Variants in EDIL3 observed in about 807,000 individuals in gnomAD.
The protein encoded by EDIL3 is EGF like and discoidin domains 3, also known as EGF-like repeat and discoidin I-like domain-containing protein 3.
A neutral mutation model predicts 67.4 loss-of-function variants in EDIL3; 37 were observed. That is an observed-to-expected ratio of 0.55 (90% CI 0.42 to 0.72). The LOEUF (loss-of-function observed/expected upper bound fraction) is 0.72. Among genes scored for constraint, EDIL3 ranks in the 30% least tolerant of loss-of-function variants. The probability of loss-of-function intolerance (pLI) is 0.00; values close to 1 mark genes in which losing one functional copy is unlikely to be tolerated. For missense variants in EDIL3, 527 were observed against 586.3 expected (o/e 0.90, Z 1.04); for synonymous variants, 195 against 196.3 (o/e 0.99, Z 0.05).
In EDIL3 at chr5:84,078,598, CAATTT is replaced by C. The variant is rs1426388773; in HGVS notation, c.652-11997_652-11993del. The C allele has an allele frequency of 2.6e-5, 4 of 152,206 alleles. No individual in the cohort carries two copies. In the East Asian group the frequency reaches 7.7e-4, roughly 29 times the overall value. The allele number at this position is 152,206 out of a possible 1,614,324, so 9.4% of individuals were successfully genotyped here. ...AGGAAGGAAGGTGGGAAGAGAATAA[CAATTT>C]AATATTAAATGGCAAGATACCTTAC... On this transcript the variant is annotated intron_variant, in intron 6 of 10. Transcript: ENST00000296591.
intron 9 of EDIL3, among the ~76,000 whole-genome samples, chr5:83,987,569 C>A (rs1745075887): frequency 1.3e-5 from 2 of 152,096 alleles, no homozygotes; most frequent in Non-Finnish European, 2.9e-5. Flanking sequence ...TGCTAAAAAT[C>A]AATTTTCCAT....
chr5:83,986,719 G>C (rs2112154707), intron 9 of EDIL3, among the ~76,000 whole-genome samples: 1 of 152,192 alleles, frequency 6.6e-6, no homozygotes, highest in South Asian at 2.1e-4. Flanking sequence ...CTGTAGAAGG[G>C]ACAGCCAGCA....
chr5:84,262,592 T>C (rs540475174), intron 1 of EDIL3, among the ~76,000 whole-genome samples: 13 of 140,632 alleles, frequency 9.2e-5, no homozygotes, highest in Admixed American at 9.1e-4. Flanking sequence ...CCTTACAAAA[T>C]AAGTAGCGAA....
chr5:84,099,026 A>G (rs914482283), intron 6 of EDIL3, among the ~76,000 whole-genome samples: 1 of 152,120 alleles, frequency 6.6e-6, no homozygotes, highest in African/African-American at 2.4e-5. Context: ...GGAAATACCT[A>G]GGGATATAAC....
In EDIL3 at chr5:83,964,207, T is replaced by A. The variant is rs1468447102; in HGVS notation, c.1138-847A>T. ...GTTCGGTATTTTCCCTTTTTTTCTT[T>A]AATTCATTCCTGCATTTTTTCACAT... On this transcript the variant is annotated intron_variant, in intron 9 of 10. Transcript: ENST00000296591. Among the ~76,000 whole-genome samples the A allele has an allele frequency of 2.6e-5, 4 of 151,992 alleles. No individual in the cohort carries two copies. In the East Asian group the frequency reaches 7.7e-4, roughly 29 times the overall value.
chr5:84,124,015 T>C (rs1747820973), intron 5 of EDIL3, among the ~76,000 whole-genome samples: 1 of 151,924 alleles, frequency 6.6e-6, no homozygotes, highest in Non-Finnish European at 1.5e-5. Context: ...TTTACACCAA[T>C]CAAAATAGAT....
At chr5:84,255,032 G>A (rs1429061633) in intron 1 of EDIL3, among the ~76,000 whole-genome samples, 2 of 152,154 alleles carry the variant, frequency 1.3e-5, no homozygotes, top group Non-Finnish European at 2.9e-5. Context: ...ATATGAGTAA[G>A]GAGATTTCCG....
intron 5 of EDIL3, among the ~76,000 whole-genome samples, chr5:84,114,158 T>G (rs904040143): frequency 4.0e-5 from 6 of 150,554 alleles, no homozygotes; most frequent in Non-Finnish European, 7.4e-5. Context: ...GTTTTTTTTT[T>G]TTTTTTTTTT....
chr5:84,254,844 G>A (rs546424642), intron 1 of EDIL3, among the ~76,000 whole-genome samples: 8 of 152,298 alleles, frequency 5.3e-5, no homozygotes, highest in African/African-American at 1.9e-4. Flanking sequence ...TGACATAACA[G>A]AAACCCCACA....
Position 84,226,190 on chromosome 5 carries a change from A to C in EDIL3, c.226+3665T>G, listed in dbSNP as rs1486322161. ...AAAGATTTCATTTCACTGATAACTG[A>C]AACAAAATGGTGAAATAACAGGAAA... On this transcript the variant is annotated intron_variant, in intron 3 of 10. Transcript: ENST00000296591. Among the ~76,000 whole-genome samples, 3 of 151,858 alleles carry C rather than the reference A, an allele frequency of 2.0e-5. No homozygotes were observed. The East Asian group carries it at 5.8e-4, about 29-fold the overall frequency.
At chr5:84,016,845 T>A (rs1745615735) in intron 9 of EDIL3, among the ~76,000 whole-genome samples, 1 of 152,134 alleles carries the variant, frequency 6.6e-6, no homozygotes, top group Non-Finnish European at 1.5e-5. Flanking sequence ...CTGGCTTAAT[T>A]GAGTGTAAAG....
chr5:84,264,560 G>A (rs989085003), intron 1 of EDIL3, among the ~76,000 whole-genome samples: 1 of 152,084 alleles, frequency 6.6e-6, no homozygotes, highest in Non-Finnish European at 1.5e-5. Context: ...GATGAGGGTC[G>A]ACAGCAAAGG....
At chr5:84,364,179 T>A (rs1233590430) in intron 1 of EDIL3, among the ~76,000 whole-genome samples, 1 of 152,198 alleles carries the variant, frequency 6.6e-6, no homozygotes, top group Admixed American at 6.5e-5. Flanking sequence ...AAGGCAGTTT[T>A]CAGGTTCTGA....
chr5:84,284,305 T>C (rs1475300206), intron 1 of EDIL3, among the ~76,000 whole-genome samples: 3 of 152,194 alleles, frequency 2.0e-5, no homozygotes, highest in Non-Finnish European at 2.9e-5. Flanking sequence ...AAGTGACCTT[T>C]CCAAGTCCCA....
intron 9 of EDIL3, among the ~76,000 whole-genome samples, chr5:84,026,349 G>T (rs1745812719): frequency 6.6e-6 from 1 of 152,130 alleles, no homozygotes; most frequent in African/African-American, 2.4e-5. Flanking sequence ...ATAGCACTGA[G>T]CCAATTTAAT....
At chr5:84,092,009 T>C (rs544747377) in intron 6 of EDIL3, among the ~76,000 whole-genome samples, 2 of 152,240 alleles carry the variant, frequency 1.3e-5, no homozygotes, top group African/African-American at 4.8e-5. Context: ...TCAAAAATGA[T>C]AGGAACTCAA....
chr5:84,269,308 TTTAA>T (rs1455975056), intron 1 of EDIL3, among the ~76,000 whole-genome samples: 1 of 152,286 alleles, frequency 6.6e-6, no homozygotes, highest in Admixed American at 6.5e-5. Flanking sequence ...TTTAGGAGGC[TTTAA>T]TTTTTTCCTT....
intron 1 of EDIL3, among the ~76,000 whole-genome samples, chr5:84,309,025 CA>C (rs1260491625): frequency 6.6e-6 from 1 of 152,062 alleles, no homozygotes; most frequent in African/African-American, 2.4e-5. Flanking sequence ...TATAAAGATA[CA>C]GAACTCAATA....
intron 9 of EDIL3, among the ~76,000 whole-genome samples, chr5:83,974,078 CCTTTA>C (rs1433711860): frequency 2.0e-5 from 3 of 151,736 alleles, no homozygotes; most frequent in Non-Finnish European, 4.4e-5. Context: ...TCCACAGAGT[CCTTTA>C]CATCATTTTG....
Sources: gnomAD v4.1 joint callset for allele counts (sites outside exome capture counted in the v4.1 genomes callset) on GRCh38, gnomAD v4.1.1 for gene constraint, MANE v1.5 for transcripts, NCBI Gene and HGNC (gene_info 2026-07-23, HGNC 2026-07-21) for gene names.